The following TMEM132E variants were observed in gnomAD, a reference collection of about 807,000 sequenced individuals.
The protein encoded by TMEM132E is transmembrane protein 132E.
Under a neutral mutation model 78.5 loss-of-function variants are expected in TMEM132E, and 49 were observed. That is an observed-to-expected ratio of 0.62 (90% CI 0.50 to 0.79). The LOEUF is 0.79. Among genes scored for constraint, TMEM132E ranks in the 30% least tolerant of loss-of-function variants. TMEM132E has a pLI of 0.00. For synonymous variants in TMEM132E, 715 were observed against 670.6 expected (o/e 1.07, Z -1.02); for missense variants, 1,403 against 1,470.9 (o/e 0.95, Z 0.75).
At chr17:34,593,246 T>TA (rs75358178) in intron 1 of TMEM132E, among the ~76,000 whole-genome samples, 4,006 of 150,990 alleles carry the variant, frequency 0.027, 186 homozygotes, top group East Asian at 0.19. Context: ...ATCTCTACAT[T>TA]AAAAAAAAAT....
At chr17:34,607,700 C>T (rs932946003) in intron 1 of TMEM132E, among the ~76,000 whole-genome samples, 5 of 152,288 alleles carry the variant, frequency 3.3e-5, no homozygotes, top group African/African-American at 1.2e-4. Flanking sequence ...TTCCCAGGAC[C>T]CCTTCCTCAA....
chr17:34,598,357 G>A (rs1906123460), intron 1 of TMEM132E, among the ~76,000 whole-genome samples: 1 of 152,142 alleles, frequency 6.6e-6, no homozygotes, highest in Non-Finnish European at 1.5e-5. Context: ...GGGGGAGACA[G>A]TCCCATCAGA....
chr17:34,630,028 G>C lies in TMEM132E; in HGVS notation c.1359G>C (p.Thr453=). The change falls in exon 5 of 9, where the codon ACG becomes ACC. Residue 453 remains threonine (T), a synonymous_variant. Transcript: ENST00000631683. ...PLAMDTEIIN[T]AILTGRTVAI... is the part of the protein sequence containing the mutation. ...TGCAGGACACAGAGATCATCAACACGGCCATTCTGACTGGCCGGACAGTGG... is the reference window on the plus strand; with the variant it reads ...TGCAGGACACAGAGATCATCAACACCGCCATTCTGACTGGCCGGACAGTGG... The C allele has an allele frequency of 6.2e-7, 1 of 1,611,446 alleles. No individual in the cohort carries two copies. The highest frequency in any genetic ancestry group is 8.5e-7 in the Non-Finnish European group (1 of 1,178,020).
chr17:34,599,603 C>G (rs545389522), intron 1 of TMEM132E, among the ~76,000 whole-genome samples: 1 of 152,186 alleles, frequency 6.6e-6, no homozygotes. Flanking sequence ...AACTAGAACT[C>G]AGGCAGTGCT....
rs961382365 is a variant in TMEM132E, at chr17:34,586,942, C to G, written c.67+5799C>G. ...CCTTCCTGCTGCATTCTCACCCACA[C>G]TTTTTTTGGCCTGTGAGAATGAGCA... On this transcript the variant is annotated intron_variant, in intron 1 of 8. Transcript: ENST00000631683. Among the ~76,000 whole-genome samples, 4 of 152,266 alleles carry G rather than the reference C, an allele frequency of 2.6e-5. No individual in the cohort carries two copies. The South Asian group carries it at 8.3e-4, about 32-fold the overall frequency.
At chr17:34,633,714 G>T (rs548653604) in intron 6 of TMEM132E, among the ~76,000 whole-genome samples, 1 of 152,376 alleles carries the variant, frequency 6.6e-6, no homozygotes, top group African/African-American at 2.4e-5. Flanking sequence ...GAAGAGTAAG[G>T]TGTGTAGACC....
At chr17:34,611,736 T>C (rs1385671290) in intron 1 of TMEM132E, among the ~76,000 whole-genome samples, 3 of 152,176 alleles carry the variant, frequency 2.0e-5, no homozygotes, top group Non-Finnish European at 4.4e-5. Context: ...TAGGTTTTGT[T>C]AGCTCCATTT....
intron 1 of TMEM132E, among the ~76,000 whole-genome samples, chr17:34,598,073 T>C (rs1311630045): frequency 1.3e-5 from 2 of 152,224 alleles, no homozygotes; most frequent in African/African-American, 4.8e-5. Context: ...TTACATATAA[T>C]ACATGTATTA....
intron 1 of TMEM132E, among the ~76,000 whole-genome samples, chr17:34,595,164 T>G (rs2142055303): frequency 6.6e-6 from 1 of 152,328 alleles, no homozygotes; most frequent in Non-Finnish European, 1.5e-5. Context: ...CGTCCAGAGC[T>G]TTGCCCATTC....
rs1283794089 is a variant in TMEM132E, at chr17:34,626,511, G to A, written c.452G>A (p.Arg151Gln). Residue 151 changes from arginine (R) to glutamine (Q), a missense_variant, in exon 2 of 9, where the codon CGG becomes CAG. Coordinates refer to ENST00000631683, the MANE Select transcript of TMEM132E (RefSeq NM_001304438.2). ...CAGGTGCTGTTCTACGTAGCCGGCC[G>A]GGACTGGGACGACTTCGGCGTCACC... is the stretch of plus-strand genomic sequence containing the variant. ...VVQVLFYVAG[R>Q]DWDDFGVTER... 5.0e-6 allele frequency: 8 copies of A among 1,608,174 alleles called. No individual in the cohort carries two copies. Among genetic ancestry groups the A allele is most frequent in the South Asian group, 2.2e-5 (2 of 90,930 alleles).
chr17:34,636,329 GC>G, intron 8 of TMEM132E, 131 bp downstream of exon 8: 2 of 948,870 alleles, frequency 2.1e-6, no homozygotes, highest in Admixed American at 8.4e-5. Flanking sequence ...TGCCCTCCAT[GC>G]CCTGCACAAC....
intron 1 of TMEM132E, among the ~76,000 whole-genome samples, chr17:34,591,653 C>T (rs1289631463): frequency 6.6e-6 from 1 of 152,256 alleles, no homozygotes; most frequent in Admixed American, 6.5e-5. Flanking sequence ...CCTCCTCATT[C>T]CTCATCCAAC....
At chr17:34,585,940 C>A (rs1264091202) in intron 1 of TMEM132E, among the ~76,000 whole-genome samples, 1 of 152,206 alleles carries the variant, frequency 6.6e-6, no homozygotes, top group Non-Finnish European at 1.5e-5. Context: ...TGGGTTCAAA[C>A]CCTGACTTTG....
rs2142083153 is a variant in TMEM132E at position 34,630,046 on chromosome 17, G to T, written c.1377G>T (p.Arg459=). 6.2e-7 allele frequency: 1 copy of T among 1,613,002 alleles called. No individual in the cohort carries two copies. Among genetic ancestry groups the T allele is most frequent in the African/African-American group, 1.3e-5 (1 of 75,000 alleles). ...TCAACACGGCCATTCTGACTGGCCG[G>T]ACAGTGGCCATCCCTGTCAAGGTCA... ...EIINTAILTG[R]TVAIPVKVIA... The change falls in exon 5 of 9, where the codon CGG becomes CGT. Residue 459 remains arginine, a synonymous_variant. Coordinates refer to ENST00000631683, the MANE Select transcript of TMEM132E (RefSeq NM_001304438.2).
At chr17:34,628,859 G>A (rs1271513625) in intron 3 of TMEM132E, 150 bp downstream of exon 3, 2 of 1,365,968 alleles carry the variant, frequency 1.5e-6, no homozygotes, top group Non-Finnish European at 2.0e-6. Flanking sequence ...TGGGATCCTG[G>A]GGCTGGAGCA....
intron 1 of TMEM132E, among the ~76,000 whole-genome samples, chr17:34,617,583 G>T (rs922034743): frequency 5.3e-5 from 8 of 152,312 alleles, no homozygotes; most frequent in African/African-American, 1.9e-4. Flanking sequence ...CGAGCAATTT[G>T]CTTATTTAAT....
rs1305798577 is a variant in TMEM132E, at chr17:34,638,494, G to C, written c.*262G>C. 7.0e-6 allele frequency: 3 copies of C among 425,950 alleles called. No individual in the cohort carries two copies. Among genetic ancestry groups the C allele is most frequent in the South Asian group, 6.9e-5 (1 of 14,546 alleles). The allele number at this position is 425,950 out of a possible 1,614,324, so 26.4% of individuals were successfully genotyped here. A position where few individuals can be genotyped will look rare whatever the true frequency, so the allele number is the denominator to read the frequency against. ...AAGGAGGAAAGCAACCCCAGCCTCT[G>C]TTCTGCCCTTTCCAAACCTCCTCCC... On this transcript the variant is annotated 3_prime_UTR_variant, in exon 9 of 9. Transcript: ENST00000631683.
intron 1 of TMEM132E, among the ~76,000 whole-genome samples, chr17:34,607,900 G>A (rs59734319): frequency 6.8e-4 from 104 of 152,226 alleles, no homozygotes; most frequent in African/African-American, 2.3e-3. Flanking sequence ...CCCAGCACAC[G>A]GATATATTGT....
chr17:34,613,174 TACACAC>T (rs1052726474), intron 1 of TMEM132E, among the ~76,000 whole-genome samples: 1 of 109,176 alleles, frequency 9.2e-6, no homozygotes, highest in Non-Finnish European at 1.9e-5. Context: ...TCTCTCTCTC[TACACAC>T]ACACACACAC....
Sources: gnomAD v4.1 joint callset for allele counts (sites outside exome capture counted in the v4.1 genomes callset) on GRCh38, gnomAD v4.1.1 for gene constraint, MANE v1.5 for transcripts, NCBI Gene and HGNC (gene_info 2026-07-23, HGNC 2026-07-21) for gene names.